PLPPR1: variants seen among roughly 807,000 people sequenced by gnomAD.
PLPPR1 encodes the protein phospholipid phosphatase-related protein type 1.
Under a neutral mutation model 33.1 loss-of-function variants are expected in PLPPR1, and 10 were observed. The observed-to-expected ratio is 0.30, with a 90% confidence interval of 0.19 to 0.51. PLPPR1 has a LOEUF of 0.51. Ranked by LOEUF, PLPPR1 falls within the 20% of genes least tolerant of loss-of-function variation. The pLI is 0.97. For synonymous variants in PLPPR1, 151 were observed against 151.0 expected, an observed-to-expected ratio of 1.00 and a Z score of 0.00; for missense variants, 304 against 408.1, an observed-to-expected ratio of 0.74 and a Z score of 2.20.
chr9:101,085,289 A>G (rs560605360), intron 1 of PLPPR1, among the ~76,000 whole-genome samples: 1 of 152,290 alleles, frequency 6.6e-6, no homozygotes, highest in South Asian at 2.1e-4. Flanking sequence ...CTATTTATTT[A>G]GTTACAAAAA....
intron 2 of PLPPR1, among the ~76,000 whole-genome samples, chr9:101,256,247 A>G (rs1010657101): frequency 6.6e-6 from 1 of 152,082 alleles, no homozygotes; most frequent in East Asian, 1.9e-4. Context: ...TGTGTTTTAC[A>G]TAATAATTGA....
chr9:101,054,452 A>G (rs915124526), intron 1 of PLPPR1, among the ~76,000 whole-genome samples: 1 of 152,172 alleles, frequency 6.6e-6, no homozygotes, highest in African/African-American at 2.4e-5. Flanking sequence ...AACATTTCTG[A>G]AGCATATTGA....
chr9:101,075,777 G>C (rs1830527573), intron 1 of PLPPR1, among the ~76,000 whole-genome samples: 1 of 152,146 alleles, frequency 6.6e-6, no homozygotes, highest in Non-Finnish European at 1.5e-5. Context: ...CCTTCAGATA[G>C]AGATGAGTGC....
intron 1 of PLPPR1, among the ~76,000 whole-genome samples, chr9:101,116,148 GA>G (rs899212317): frequency 3.9e-5 from 6 of 152,156 alleles, no homozygotes; most frequent in African/African-American, 7.2e-5. Context: ...AGGCAACCAG[GA>G]AAAAACATGC....
At chr9:101,098,055 T>C (rs1359892415) in intron 1 of PLPPR1, among the ~76,000 whole-genome samples, 1 of 151,998 alleles carries the variant, frequency 6.6e-6, no homozygotes, top group Non-Finnish European at 1.5e-5. Context: ...CAGTAAGTGA[T>C]AGAGCATCAA....
intron 1 of PLPPR1, among the ~76,000 whole-genome samples, chr9:101,143,877 C>G (rs1229280278): frequency 6.6e-6 from 1 of 152,148 alleles, no homozygotes; most frequent in Non-Finnish European, 1.5e-5. Context: ...TGTGGTGATT[C>G]CTCATGGATG....
chr9:101,166,339 T>G (rs1297813315), intron 1 of PLPPR1, among the ~76,000 whole-genome samples: 1 of 152,228 alleles, frequency 6.6e-6, no homozygotes, highest in African/African-American at 2.4e-5. Flanking sequence ...AAATACCGCA[T>G]TATAGGCTCT....
chr9:101,085,301 A>G (rs945224915), intron 1 of PLPPR1, among the ~76,000 whole-genome samples: 1 of 152,220 alleles, frequency 6.6e-6, no homozygotes, highest in African/African-American at 2.4e-5. Flanking sequence ...TTACAAAAAA[A>G]GATACTCTAG....
intron 4 of PLPPR1, among the ~76,000 whole-genome samples, chr9:101,291,775 C>G (rs1253081958): frequency 6.6e-6 from 1 of 152,074 alleles, no homozygotes; most frequent in African/African-American, 2.4e-5. Context: ...GACATCCACA[C>G]CAAAAACCCA....
chr9:101,316,957 G>A (rs1829065127), intron 6 of PLPPR1, among the ~76,000 whole-genome samples: 1 of 152,140 alleles, frequency 6.6e-6, no homozygotes, highest in African/African-American at 2.4e-5. Context: ...ATCTAGACTG[G>A]AGATAATAGT....
intron 2 of PLPPR1, among the ~76,000 whole-genome samples, chr9:101,267,454 C>A (rs987437595): frequency 6.6e-6 from 1 of 152,162 alleles, no homozygotes; most frequent in Admixed American, 6.5e-5. Flanking sequence ...CCCCAATAAA[C>A]AACTCCAAGC....
intron 2 of PLPPR1, among the ~76,000 whole-genome samples, chr9:101,244,040 G>A (rs1196818946): frequency 6.6e-6 from 1 of 151,854 alleles, no homozygotes; most frequent in African/African-American, 2.4e-5. Context: ...CCCAAAAAAA[G>A]GGAGGTTAGG....
intron 1 of PLPPR1, among the ~76,000 whole-genome samples, chr9:101,034,546 A>G (rs763257317): frequency 1.3e-5 from 2 of 152,128 alleles, no homozygotes; most frequent in Non-Finnish European, 2.9e-5. Context: ...AATTAAATGA[A>G]TTCTTAATTC....
intron 1 of PLPPR1, among the ~76,000 whole-genome samples, chr9:101,090,562 C>T (rs1464799159): frequency 6.6e-6 from 1 of 152,112 alleles, no homozygotes. Context: ...GTGCCAGTAG[C>T]CTCCTTCCAC....
chr9:101,166,296 A>G (rs775777710), intron 1 of PLPPR1, among the ~76,000 whole-genome samples: 1 of 152,156 alleles, frequency 6.6e-6, no homozygotes, highest in Non-Finnish European at 1.5e-5. Flanking sequence ...TCAGTTTTTC[A>G]TGGGACAGTT....
intron 2 of PLPPR1, among the ~76,000 whole-genome samples, chr9:101,222,072 C>T (rs1826954529): frequency 6.6e-6 from 1 of 152,162 alleles, no homozygotes; most frequent in Non-Finnish European, 1.5e-5. Context: ...GAGAGCAATG[C>T]ATGACTTCTT....
At chr9:101,196,444 C>A (rs943504782) in intron 2 of PLPPR1, among the ~76,000 whole-genome samples, 3 of 152,150 alleles carry the variant, frequency 2.0e-5, no homozygotes, top group Non-Finnish European at 4.4e-5. Context: ...GATTTTACTG[C>A]AAGATAATTT....
At chr9:101,276,645 T>C (rs1828201720) in intron 3 of PLPPR1, among the ~76,000 whole-genome samples, 1 of 152,238 alleles carries the variant, frequency 6.6e-6, no homozygotes, top group South Asian at 2.1e-4. Context: ...TCATTTAAAA[T>C]TCCCATTTCT....
intron 1 of PLPPR1, among the ~76,000 whole-genome samples, chr9:101,049,033 T>C (rs1830187812): frequency 2.0e-5 from 3 of 152,208 alleles, no homozygotes. Flanking sequence ...GCTCTAGATA[T>C]CATTTTGCAG....
Sources: gnomAD v4.1 joint callset for allele counts (sites outside exome capture counted in the v4.1 genomes callset) on GRCh38, gnomAD v4.1.1 for gene constraint, MANE v1.5 for transcripts, NCBI Gene and HGNC (gene_info 2026-07-23, HGNC 2026-07-21) for gene names.